NCAM2: variants seen among roughly 807,000 people sequenced by gnomAD.
NCAM2 encodes N-CAM-2.
Under a neutral mutation model 98.1 loss-of-function variants are expected in NCAM2, and 30 were observed. That is an observed-to-expected ratio of 0.31 (90% CI 0.23 to 0.41). The LOEUF (loss-of-function observed/expected upper bound fraction) is 0.41. Among genes scored for constraint, NCAM2 ranks in the 10% least tolerant of loss-of-function variants. The pLI is 1.00. For synonymous variants in NCAM2, 368 were observed against 342.4 expected (o/e 1.07, Z -0.83); for missense variants, 867 against 1,005.8 (o/e 0.86, Z 1.87).
Position 21,251,472 on chromosome 21 carries a change from A to G in NCAM2, c.56-29106A>G, listed in dbSNP as rs2071467249. Among the ~76,000 whole-genome samples the G allele has an allele frequency of 3.9e-5, 6 of 152,166 alleles. No individual in the cohort carries two copies. In the South Asian group the frequency reaches 1.2e-3, roughly 31 times the overall value. ...CTTCCAGCTTCATCCATGTCCCTGC[A>G]AAGGACATGATCTCATTGTTTTTTA... On this transcript the variant is annotated intron_variant, in intron 1 of 17. Coordinates refer to ENST00000400546, the MANE Select transcript of NCAM2 (RefSeq NM_004540.5).
chr21:21,295,919 G>T (rs978301362), intron 5 of NCAM2, among the ~76,000 whole-genome samples: 3 of 151,234 alleles, frequency 2.0e-5, no homozygotes, highest in Non-Finnish European at 4.4e-5. Flanking sequence ...TACTTACCTT[G>T]GTGTCCCTTT....
chr21:21,412,469 G>A (rs2076906976), intron 10 of NCAM2, among the ~76,000 whole-genome samples: 2 of 136,410 alleles, frequency 1.5e-5, no homozygotes, highest in Admixed American at 7.6e-5. Context: ...ACAGACTAAT[G>A]TGTAATTTCT....
chr21:21,159,859 T>C (rs982950890), intron 1 of NCAM2, among the ~76,000 whole-genome samples: 1 of 151,216 alleles, frequency 6.6e-6, no homozygotes, highest in Non-Finnish European at 1.5e-5. Flanking sequence ...ACATTTATAA[T>C]GTAAAAAAAA....
chr21:21,068,116 A>G (rs2065477986), intron 1 of NCAM2, among the ~76,000 whole-genome samples: 2 of 150,176 alleles, frequency 1.3e-5, no homozygotes, highest in African/African-American at 4.9e-5. Context: ...ATGTACTACT[A>G]AAATAATGAC....
chr21:21,530,094 T>TAAAA lies in NCAM2; in HGVS notation c.2283-4443_2283-4442insAAAA, dbSNP rs1569141508. Among the ~76,000 whole-genome samples, 446 of 136,572 alleles carry TAAAA rather than the reference T, an allele frequency of 3.3e-3. 17 individuals are homozygous for TAAAA. The highest frequency in any genetic ancestry group is 0.01 in the African/African-American group (394 of 37,542). The allele number at this position is 136,572 out of a possible 152,430, so 89.6% of individuals were successfully genotyped here. A position where few individuals can be genotyped will look rare whatever the true frequency, so the allele number is the denominator to read the frequency against. On this transcript the variant is annotated intron_variant, in intron 16 of 17. Transcript: ENST00000400546. ...AATAAAATTATATAATTTAATTTAA[T>TAAAA]TTAATTATATATAATTTAATTTAAT...
At chr21:21,179,943 T>C (rs188084819) in intron 1 of NCAM2, among the ~76,000 whole-genome samples, 1 of 152,230 alleles carries the variant, frequency 6.6e-6, no homozygotes, top group African/African-American at 2.4e-5. Context: ...TGTTGGTTGA[T>C]TGAAAATTCT....
In NCAM2 at chr21:21,355,483, A is replaced by AAG. The variant is rs2075448066; in HGVS notation, c.1044+16949_1044+16950insAG. Among the ~76,000 whole-genome samples, 2 of 60,498 alleles carry AAG rather than the reference A, an allele frequency of 3.3e-5. 1 individual carries two copies. The highest frequency in any genetic ancestry group is 7.0e-5 in the Non-Finnish European group (2 of 28,476). 39.7% of individuals were successfully genotyped at this position (60,498 alleles called of 152,430 possible). ...ACTATGTCTCAAAAAAAAAAAAAAAAGGAGAGAAAGAAAGAAAAGAAATAA... is the reference window on the plus strand; with the variant it reads ...ACTATGTCTCAAAAAAAAAAAAAAAAAGGGAGAGAAAGAAAGAAAAGAAATAA... On this transcript the variant is annotated intron_variant, in intron 8 of 17. Coordinates refer to ENST00000400546, the MANE Select transcript of NCAM2 (RefSeq NM_004540.5).
intron 10 of NCAM2, among the ~76,000 whole-genome samples, chr21:21,417,477 A>C (rs915724670): frequency 1.3e-5 from 2 of 152,024 alleles, no homozygotes; most frequent in Non-Finnish European, 2.9e-5. Context: ...CTCTTAGTTA[A>C]TAGCCTCCCA....
At chr21:21,530,322 A>G (rs921850812) in intron 16 of NCAM2, among the ~76,000 whole-genome samples, 1 of 24,220 alleles carries the variant, frequency 4.1e-5, no homozygotes, top group Non-Finnish European at 9.1e-5. Context: ...ATATAATTAA[A>G]TTAAATTAAA....
chr21:21,081,368 T>G (rs2065794416), intron 1 of NCAM2, among the ~76,000 whole-genome samples: 7 of 152,142 alleles, frequency 4.6e-5, no homozygotes, highest in Admixed American at 4.6e-4. Context: ...CAAGTATTAT[T>G]TTAGAGAGAC....
At chr21:21,303,526 T>C (rs1266889080) in intron 5 of NCAM2, among the ~76,000 whole-genome samples, 3 of 152,102 alleles carry the variant, frequency 2.0e-5, no homozygotes, top group Non-Finnish European at 4.4e-5. Flanking sequence ...TTCACCAAAA[T>C]GGCTTTTGGG....
rs1201934771 is a variant in NCAM2 at position 21,537,999 on chromosome 21, T to C, written c.*42T>C. 1 of 1,192,044 alleles carries C rather than the reference T, an allele frequency of 8.4e-7. No homozygotes were observed. The allele number at this position is 1,192,044 out of a possible 1,614,324, so 73.8% of individuals were successfully genotyped here. On this transcript the variant is annotated 3_prime_UTR_variant, in exon 18 of 18. Transcript: ENST00000400546. The stretch of plus-strand genomic sequence containing the variant: ...GCTTGAACAACACTACGAAGAGTAT[T>C]TGGATTGCGTGACCCTATGACCAAA...
At chr21:21,299,725 A>G (rs759428497) in intron 5 of NCAM2, among the ~76,000 whole-genome samples, 1 of 151,720 alleles carries the variant, frequency 6.6e-6, no homozygotes, top group African/African-American at 2.4e-5. Context: ...TCTTCCCATG[A>G]GATCTCATAG....
intron 1 of NCAM2, among the ~76,000 whole-genome samples, chr21:21,168,642 C>T (rs2068026354): frequency 6.6e-6 from 1 of 151,956 alleles, no homozygotes. Context: ...CAATTACTTT[C>T]TTACATATTA....
At chr21:21,032,758 A>G (rs2064711978) in intron 1 of NCAM2, among the ~76,000 whole-genome samples, 2 of 152,148 alleles carry the variant, frequency 1.3e-5, no homozygotes, top group South Asian at 4.1e-4. Flanking sequence ...TAATTATCTT[A>G]TTTGTTAAGG....
chr21:21,048,866 TG>T (rs2065049158), intron 1 of NCAM2, among the ~76,000 whole-genome samples: 1 of 152,196 alleles, frequency 6.6e-6, no homozygotes, highest in African/African-American at 2.4e-5. Context: ...CTGTGTATCA[TG>T]CATTCTTCTT....
At chr21:21,250,782 T>C (rs141280392) in intron 1 of NCAM2, among the ~76,000 whole-genome samples, 65 of 152,342 alleles carry the variant, frequency 4.3e-4, no homozygotes, top group Non-Finnish European at 7.9e-4. Context: ...ATGAATATAT[T>C]ATAAAGTGTA....
intron 10 of NCAM2, among the ~76,000 whole-genome samples, chr21:21,416,074 T>C (rs1272178725): frequency 6.6e-6 from 1 of 152,228 alleles, no homozygotes; most frequent in Non-Finnish European, 1.5e-5. Context: ...CTAAGCTTCA[T>C]CATGTTTAGC....
At chr21:21,178,122 A>C (rs1019323049) in intron 1 of NCAM2, among the ~76,000 whole-genome samples, 1 of 152,302 alleles carries the variant, frequency 6.6e-6, no homozygotes, top group Middle Eastern at 3.4e-3. Context: ...ATTGACAATT[A>C]GTTACAAAAT....
Sources: gnomAD v4.1 joint callset for allele counts (sites outside exome capture counted in the v4.1 genomes callset) on GRCh38, gnomAD v4.1.1 for gene constraint, MANE v1.5 for transcripts, NCBI Gene and HGNC (gene_info 2026-07-23, HGNC 2026-07-21) for gene names.